AGAP1: variants seen among roughly 807,000 people sequenced by gnomAD.
The protein encoded by AGAP1 is arf-GAP with GTPase, ANK repeat and PH domain-containing protein 1.
AGAP1 carries 29 observed loss-of-function variants against 105.3 expected under a neutral mutation model. That is an observed-to-expected ratio of 0.28 (90% CI 0.21 to 0.38). The LOEUF is 0.38. AGAP1 is among the 10% of genes least tolerant of loss of function. The pLI, the probability that AGAP1 is intolerant of heterozygous loss-of-function variation, is 1.00. For synonymous variants in AGAP1, 509 were observed against 485.9 expected, an observed-to-expected ratio of 1.05 and a Z score of -0.63; for missense variants, 998 against 1,165.1, an observed-to-expected ratio of 0.86 and a Z score of 2.09.
intron 6 of AGAP1, among the ~76,000 whole-genome samples, chr2:235,791,331 T>A (rs1956961528): frequency 6.6e-6 from 1 of 152,210 alleles, no homozygotes; most frequent in Non-Finnish European, 1.5e-5. Flanking sequence ...ACTGGAAGAT[T>A]ACAGCCGGTA....
chr2:235,832,542 G>A (rs939306062), intron 9 of AGAP1, among the ~76,000 whole-genome samples: 12 of 152,338 alleles, frequency 7.9e-5, no homozygotes, highest in Non-Finnish European at 1.0e-4. Context: ...TGTATGAAAT[G>A]TAGAATGGGT....
rs574889932 is a variant in AGAP1 at position 236,124,458 on chromosome 2, G to A, written c.*336G>A. ...ACAAGGGATGGGGACGCGAGGGGGA[G>A]GGGAGGCGAGGAACAAGGAGAAGGG... On this transcript the variant is annotated 3_prime_UTR_variant, in exon 18 of 18. Transcript: ENST00000304032. This position sits in a 1 kb window ranked among gnomAD's most constrained non-coding sequence, Gnocchi z 5.1. 1.5e-5 allele frequency: 5 copies of A among 330,714 alleles called. No homozygotes were observed. In the South Asian group the frequency reaches 2.0e-4, roughly 13 times the overall value. 20.5% of individuals were successfully genotyped at this position (330,714 alleles called of 1,614,324 possible). A position where few individuals can be genotyped will look rare whatever the true frequency, so the allele number is the denominator to read the frequency against.
At position 235,572,976 on chromosome 2, in the gene AGAP1, T is replaced by TTTCTTC. The variant is rs1172737406; in HGVS notation, c.163+78208_163+78213dup. Among the ~76,000 whole-genome samples, 110 of 104,048 alleles carry TTTCTTC rather than the reference T, an allele frequency of 1.1e-3. 6 individuals are homozygous for TTTCTTC. Among genetic ancestry groups the TTTCTTC allele is most frequent in the East Asian group, 1.8e-3 (4 of 2,260 alleles). 68.3% of individuals were successfully genotyped at this position (104,048 alleles called of 152,430 possible). A position where few individuals can be genotyped will look rare whatever the true frequency, so the allele number is the denominator to read the frequency against. On this transcript the variant is annotated intron_variant, in intron 1 of 17. Transcript: ENST00000304032. ...CAGACTCCCCGATTGCTCCATCTTT[T>TTTCTTC]TTCTTCTTCTTCTTCTTCTTCTTCT...
At chr2:235,986,606 G>T (rs894543136) in intron 13 of AGAP1, among the ~76,000 whole-genome samples, 9 of 152,136 alleles carry the variant, frequency 5.9e-5, no homozygotes, top group African/African-American at 2.2e-4. Context: ...TTGCCTGTGG[G>T]TTTGTCATAA....
rs1279266153 is a variant in AGAP1, at chr2:236,121,609, T to G, written c.2370+1162T>G. Among the ~76,000 whole-genome samples, 1 of 152,164 alleles carries G rather than the reference T, an allele frequency of 6.6e-6. No individual in the cohort carries two copies. The highest frequency in any genetic ancestry group is 1.5e-5 in the Non-Finnish European group (1 of 68,022). On this transcript the variant is annotated intron_variant, in intron 17 of 17. Transcript: ENST00000304032. The surrounding 1 kb of genome is among the most constrained non-coding windows in gnomAD (Gnocchi z 4.9). Reference sequence around the variant, plus strand: ...CCACCACGCCCAGCCTTGATCTGACTTTTTTGATGGGTGCAGTTGGTGAAT... The same window carrying G: ...CCACCACGCCCAGCCTTGATCTGACGTTTTTGATGGGTGCAGTTGGTGAAT...
chr2:235,512,423 C>A (rs1942186836), intron 1 of AGAP1, among the ~76,000 whole-genome samples: 1 of 152,058 alleles, frequency 6.6e-6, no homozygotes, highest in Non-Finnish European at 1.5e-5. Flanking sequence ...ATAGGGAGAC[C>A]CCCATCTCTA....
At chr2:236,069,647 C>A (rs974686277) in intron 16 of AGAP1, among the ~76,000 whole-genome samples, 1 of 151,454 alleles carries the variant, frequency 6.6e-6, no homozygotes, top group African/African-American at 2.4e-5. Context: ...TGGTCTTGAA[C>A]GCCTGACCTC....
At chr2:235,654,002 G>A (rs1470738523) in intron 1 of AGAP1, among the ~76,000 whole-genome samples, 2 of 152,222 alleles carry the variant, frequency 1.3e-5, no homozygotes, top group Admixed American at 6.5e-5. Context: ...ATTGCAGTGA[G>A]CTGAGATTGC....
At chr2:235,776,755 C>A (rs1272141846) in intron 6 of AGAP1, among the ~76,000 whole-genome samples, 1 of 152,100 alleles carries the variant, frequency 6.6e-6, no homozygotes, top group Non-Finnish European at 1.5e-5. Flanking sequence ...GTACTCCAGG[C>A]ACTGCAAGCT....
At chr2:235,670,309 G>GGGGGAGGCTT in intron 1 of AGAP1, 1 of 465,254 alleles carries the variant, frequency 2.1e-6, no homozygotes, top group Non-Finnish European at 3.8e-6. Context: ...GGAGGCTTGA[G>GGGGGAGGCTT]GAGGAGGCCG....
chr2:235,670,533 G>A (rs1948340616), intron 1 of AGAP1: 2 of 482,344 alleles, frequency 4.1e-6, no homozygotes, highest in Non-Finnish European at 7.2e-6. Context: ...GAGGGGGCCC[G>A]GGCCGCGCCC....
At chr2:235,516,082 G>GCTGCTC (rs1942373431) in intron 1 of AGAP1, among the ~76,000 whole-genome samples, 1 of 151,694 alleles carries the variant, frequency 6.6e-6, no homozygotes, top group African/African-American at 2.4e-5. Context: ...TGCTGCTGCT[G>GCTGCTC]CTGCTGCTGC....
In AGAP1 at chr2:236,089,208, TTG is replaced by T. The variant is rs972742447; in HGVS notation, c.2115-30979_2115-30978del. Among the ~76,000 whole-genome samples the T allele has an allele frequency of 5.9e-5, 9 of 152,182 alleles. No individual in the cohort carries two copies. Among genetic ancestry groups the T allele is most frequent in the Non-Finnish European group, 1.3e-4 (9 of 68,028 alleles). ...TGAGGTCTTTTCAAAGCACATACAGTTGTGTGATTTTTATTTCCCCAAGAAAA... is the reference window on the plus strand; with the variant it reads ...TGAGGTCTTTTCAAAGCACATACAGTTGTGATTTTTATTTCCCCAAGAAAA... On this transcript the variant is annotated intron_variant, in intron 16 of 17. Coordinates refer to ENST00000304032, the MANE Select transcript of AGAP1 (RefSeq NM_001037131.3). The surrounding 1 kb of genome is among the most constrained non-coding windows in gnomAD (Gnocchi z 5.6).
intron 11 of AGAP1, among the ~76,000 whole-genome samples, chr2:235,926,545 G>A (rs4663633): frequency 0.4 from 61,469 of 152,088 alleles, 12,835 homozygotes; most frequent in Admixed American, 0.49. Flanking sequence ...CTGACCCTGT[G>A]TAATTTTTTT....
Position 236,031,028 on chromosome 2 carries a change from A to G in AGAP1, c.1646-5533A>G, listed in dbSNP as rs796621032. 4.6e-5 allele frequency among the ~76,000 whole-genome samples: 7 copies of G among 152,368 alleles called. 1 individual carries two copies. The highest frequency in any genetic ancestry group is 1.7e-4 in the African/African-American group (7 of 41,598). On this transcript the variant is annotated intron_variant, in intron 13 of 17. Transcript: ENST00000304032. Reference sequence around the variant, plus strand: ...AGAAATACAGAACCCCAAGAGGAGCATTTGAAAATGCTAGCAAATCTATGT... The same window carrying G: ...AGAAATACAGAACCCCAAGAGGAGCGTTTGAAAATGCTAGCAAATCTATGT...
chr2:235,796,691 ACTATATGGGCCCCGT>A lies in AGAP1; in HGVS notation c.674-1064_674-1050del, dbSNP rs552878005. ...TTTGGAAAAGAAATTATCTGCAAAC[ACTATATGGGCCCCGT>A]CTACGTTATAACCTATTGCTGGGGA... On this transcript the variant is annotated intron_variant, in intron 6 of 17. Transcript: ENST00000304032. Among the ~76,000 whole-genome samples the A allele has an allele frequency of 8.1e-4, 124 of 152,344 alleles. 1 individual carries two copies. In the East Asian group the frequency reaches 0.019, roughly 23 times the overall value.
Position 235,550,254 on chromosome 2 carries a change from C to T in AGAP1, c.163+55405C>T, listed in dbSNP as rs961075305. ...TCCTCGTCACAGTGTTCTCCGCAGC[C>T]CTGACTGGCGAGGAGGGCACGTCCC... is the stretch of plus-strand genomic sequence containing the variant. On this transcript the variant is annotated intron_variant, in intron 1 of 17. Coordinates refer to ENST00000304032, the MANE Select transcript of AGAP1 (RefSeq NM_001037131.3). This position sits in a 1 kb window ranked among gnomAD's most constrained non-coding sequence, Gnocchi z 4.6. Among the ~76,000 whole-genome samples, 2 of 152,146 alleles carry T rather than the reference C, an allele frequency of 1.3e-5. No individual in the cohort carries two copies. Among genetic ancestry groups the T allele is most frequent in the Admixed American group, 1.3e-4 (2 of 15,272 alleles).
intron 6 of AGAP1, among the ~76,000 whole-genome samples, chr2:235,755,620 T>C (rs1953863487): frequency 6.6e-6 from 1 of 152,232 alleles, no homozygotes; most frequent in Admixed American, 6.5e-5. Context: ...TTTGGCTATT[T>C]AGTAGAGACT....
intron 1 of AGAP1, among the ~76,000 whole-genome samples, chr2:235,573,581 C>T (rs1057489489): frequency 1.3e-5 from 2 of 152,178 alleles, no homozygotes; most frequent in African/African-American, 4.8e-5. Context: ...ACTCCCATTT[C>T]ATCGATTTGT....
Sources: gnomAD v4.1 joint callset for allele counts (sites outside exome capture counted in the v4.1 genomes callset) on GRCh38, gnomAD v4.1.1 for gene constraint, Gnocchi (gnomAD v3.1) non-coding constraint, MANE v1.5 for transcripts, NCBI Gene and HGNC (gene_info 2026-07-23, HGNC 2026-07-21) for gene names.